Variants in SNTG1 observed in about 807,000 individuals in gnomAD.
The protein encoded by SNTG1 is gamma-1-syntrophin.
SNTG1 carries 39 observed loss-of-function variants against 74.7 expected under a neutral mutation model. The ratio of observed to expected loss-of-function variants is 0.52; its 90% CI spans 0.40 to 0.68. The LOEUF (loss-of-function observed/expected upper bound fraction) is 0.68, where lower values mean the gene tolerates loss of function less well. SNTG1 is among the 30% of genes least tolerant of loss of function. The pLI is 0.00. For synonymous variants in SNTG1, 254 were observed against 217.1 expected (o/e 1.17, Z -1.49); for missense variants, 685 against 609.5 (o/e 1.12, Z -1.30).
chr8:50,378,043 G>A (rs1288990593), intron 2 of SNTG1, among the ~76,000 whole-genome samples: 1 of 152,238 alleles, frequency 6.6e-6, no homozygotes, highest in African/African-American at 2.4e-5. Context: ...CACTCGGCCT[G>A]GCAGGCTGTG....
intron 1 of SNTG1, among the ~76,000 whole-genome samples, chr8:49,969,578 G>C (rs1004889228): frequency 6.6e-6 from 1 of 151,646 alleles, no homozygotes; most frequent in African/African-American, 2.4e-5. Context: ...GGTATTTTTA[G>C]TAGAGACGGG....
chr8:50,387,347 G>T (rs962146327), intron 2 of SNTG1, among the ~76,000 whole-genome samples: 4 of 152,252 alleles, frequency 2.6e-5, no homozygotes, highest in South Asian at 2.1e-4. Flanking sequence ...CAAGTCGAAA[G>T]GTGCATTCTC....
chr8:50,580,420 G>A (rs931907129), intron 12 of SNTG1, among the ~76,000 whole-genome samples: 4 of 152,152 alleles, frequency 2.6e-5, no homozygotes, highest in Non-Finnish European at 5.9e-5. Flanking sequence ...GGGCATGATG[G>A]TGTTTTGAAA....
chr8:50,312,565 G>A (rs1294438839), intron 2 of SNTG1, among the ~76,000 whole-genome samples: 1 of 149,924 alleles, frequency 6.7e-6, no homozygotes, highest in African/African-American at 2.5e-5. Flanking sequence ...GAAAAAGTCA[G>A]TCTTTCACTC....
intron 2 of SNTG1, among the ~76,000 whole-genome samples, chr8:50,235,428 C>G (rs979317198): frequency 1.3e-5 from 2 of 152,080 alleles, no homozygotes; most frequent in African/African-American, 2.4e-5. Flanking sequence ...CTGTATATAT[C>G]CTGCAAAACA....
intron 1 of SNTG1, among the ~76,000 whole-genome samples, chr8:50,097,606 C>G (rs886675909): frequency 4.6e-5 from 7 of 151,486 alleles, no homozygotes; most frequent in Non-Finnish European, 1.0e-4. Context: ...GAGCGGAGAT[C>G]GCGCCACAGC....
intron 1 of SNTG1, among the ~76,000 whole-genome samples, chr8:49,935,602 T>C (rs1361636802): frequency 6.6e-6 from 1 of 151,908 alleles, no homozygotes; most frequent in Non-Finnish European, 1.5e-5. Flanking sequence ...GGCTCCCATT[T>C]TCCCAGCCCT....
intron 17 of SNTG1, among the ~76,000 whole-genome samples, chr8:50,738,268 GACAA>G (rs1474839242): frequency 6.6e-6 from 1 of 152,036 alleles, no homozygotes; most frequent in African/African-American, 2.4e-5. Context: ...ACCAATAACA[GACAA>G]ACAGAGAGCC....
intron 2 of SNTG1, among the ~76,000 whole-genome samples, chr8:50,355,199 A>T (rs1278317331): frequency 6.6e-6 from 1 of 152,190 alleles, no homozygotes; most frequent in Non-Finnish European, 1.5e-5. Context: ...CAACTGAGAA[A>T]AAATTAAGCC....
intron 16 of SNTG1, among the ~76,000 whole-genome samples, chr8:50,706,800 G>A (rs1207375684): frequency 6.6e-6 from 1 of 151,754 alleles, no homozygotes; most frequent in South Asian, 2.1e-4. Context: ...ACCTTAACAC[G>A]TTTTTCTTCT....
intron 1 of SNTG1, among the ~76,000 whole-genome samples, chr8:50,110,031 A>G (rs1398562160): frequency 4.6e-5 from 7 of 152,090 alleles, no homozygotes; most frequent in African/African-American, 1.7e-4. Flanking sequence ...GCATGTGCAA[A>G]CCAGGAATTG....
chr8:50,346,375 A>G (rs540820064), intron 2 of SNTG1, among the ~76,000 whole-genome samples: 29 of 152,236 alleles, frequency 1.9e-4, no homozygotes, highest in African/African-American at 6.7e-4. Flanking sequence ...CCCGTATCAG[A>G]TGGCAAACTT....
At chr8:50,445,474 T>C (rs1165507542) in intron 5 of SNTG1, among the ~76,000 whole-genome samples, 1 of 152,082 alleles carries the variant, frequency 6.6e-6, no homozygotes, top group Non-Finnish European at 1.5e-5. Context: ...GCATTCCAGG[T>C]TTTATTTGGT....
Position 50,390,167 on chromosome 8 carries a change from G to A in SNTG1, c.-27-4045G>A, listed in dbSNP as rs571207549. Among the ~76,000 whole-genome samples, 11 of 151,952 alleles carry A rather than the reference G, an allele frequency of 7.2e-5. No individual in the cohort carries two copies. In the East Asian group the frequency reaches 1.9e-3, roughly 27 times the overall value. Reference sequence around the variant, plus strand: ...ATATGAAGTCCTTGTCCATGCCTATGTCCTGAATGGTATTGCCTAGGTTTT... The same window carrying A: ...ATATGAAGTCCTTGTCCATGCCTATATCCTGAATGGTATTGCCTAGGTTTT... On this transcript the variant is annotated intron_variant, in intron 2 of 18. Transcript: ENST00000642720.
chr8:50,113,296 T>C (rs1347085781), intron 1 of SNTG1, among the ~76,000 whole-genome samples: 1 of 152,204 alleles, frequency 6.6e-6, no homozygotes. Context: ...TCTGTAGTTC[T>C]CCTTGAAGAG....
chr8:50,534,185 A>C (rs1439015048), intron 10 of SNTG1, among the ~76,000 whole-genome samples: 1 of 152,198 alleles, frequency 6.6e-6, no homozygotes, highest in Non-Finnish European at 1.5e-5. Flanking sequence ...TGGCTCTGCT[A>C]TCAAAAAGGT....
chr8:50,600,950 A>T (rs1020447856), intron 13 of SNTG1, among the ~76,000 whole-genome samples: 2 of 151,548 alleles, frequency 1.3e-5, no homozygotes, highest in African/African-American at 4.9e-5. Context: ...TGGGCAGATT[A>T]TGAGGTCAAG....
chr8:50,458,258 T>C (rs1161473498), intron 8 of SNTG1: 1 of 151,998 alleles, frequency 6.6e-6, no homozygotes, highest in Non-Finnish European at 1.5e-5. Context: ...GGATTTTATA[T>C]TGTAATATTT....
intron 1 of SNTG1, among the ~76,000 whole-genome samples, chr8:49,984,151 C>A (rs567424717): frequency 8.5e-5 from 13 of 152,142 alleles, no homozygotes; most frequent in African/African-American, 3.1e-4. Flanking sequence ...TATTTCTAAA[C>A]AATATATTTC....
Sources: allele counts gnomAD v4.1 joint callset (sites outside exome capture counted in the v4.1 genomes callset), GRCh38; gene constraint gnomAD v4.1.1; transcripts MANE v1.5; gene names NCBI Gene and HGNC (gene_info 2026-07-23, HGNC 2026-07-21).